Variants in SEMA6D observed in about 807,000 individuals in gnomAD.
SEMA6D encodes the protein semaphorin-6D.
SEMA6D carries 35 observed loss-of-function variants against 106.6 expected under a neutral mutation model. The observed-to-expected ratio is 0.33, with a 90% CI of 0.25 to 0.44. The LOEUF is 0.44. Ranked by LOEUF, SEMA6D falls within the 20% of genes least tolerant of loss-of-function variation. The probability of loss-of-function intolerance (pLI) is 1.00; values close to 1 mark genes in which losing one functional copy is unlikely to be tolerated. For missense variants in SEMA6D, 1,185 were observed against 1,345.9 expected (o/e 0.88, Z 1.87); for synonymous variants, 499 against 487.7 (o/e 1.02, Z -0.31).
intron 4 of SEMA6D, among the ~76,000 whole-genome samples, chr15:47,694,976 G>A (rs183226070): frequency 7.1e-4 from 108 of 152,258 alleles, no homozygotes; most frequent in African/African-American, 2.4e-3. Context: ...AGGGCATTGC[G>A]TTAGGCAAAA....
At chr15:47,478,957 T>C (rs1449923940) in intron 3 of SEMA6D, among the ~76,000 whole-genome samples, 2 of 152,024 alleles carry the variant, frequency 1.3e-5, no homozygotes, top group Non-Finnish European at 2.9e-5. Flanking sequence ...ATGAGACTTA[T>C]TTATTCACTC....
At chr15:47,383,803 A>G (rs144597440) in intron 1 of SEMA6D, among the ~76,000 whole-genome samples, 162 of 152,304 alleles carry the variant, frequency 1.1e-3, no homozygotes, top group African/African-American at 2.7e-3. Context: ...AGACTCTGCT[A>G]TGTCTGATTC....
At chr15:47,516,584 C>G (rs572605652) in intron 3 of SEMA6D, among the ~76,000 whole-genome samples, 1 of 152,150 alleles carries the variant, frequency 6.6e-6, no homozygotes, top group Non-Finnish European at 1.5e-5. Context: ...GAGCTCCTCC[C>G]CATTGTTGCC....
chr15:47,390,542 T>A (rs916903600), intron 1 of SEMA6D, among the ~76,000 whole-genome samples: 1 of 149,878 alleles, frequency 6.7e-6, no homozygotes, highest in Non-Finnish European at 1.5e-5. Flanking sequence ...CCCATTTGAA[T>A]TGCTCACCTT....
At chr15:47,334,759 C>T (rs2037481663) in intron 1 of SEMA6D, among the ~76,000 whole-genome samples, 1 of 152,042 alleles carries the variant, frequency 6.6e-6, no homozygotes, top group South Asian at 2.1e-4. Flanking sequence ...TACCTGGTCA[C>T]CCATGGTACA....
At chr15:47,365,253 A>G (rs991439977) in intron 1 of SEMA6D, among the ~76,000 whole-genome samples, 1 of 152,146 alleles carries the variant, frequency 6.6e-6, no homozygotes, top group Admixed American at 6.5e-5. Context: ...CTTTGCACAC[A>G]GTTTGGATTG....
chr15:47,499,251 CTAGTCCTCTA>C (rs1351322459), intron 3 of SEMA6D, among the ~76,000 whole-genome samples: 1 of 152,126 alleles, frequency 6.6e-6, no homozygotes, highest in East Asian at 1.9e-4. Context: ...TTTCTCCTCT[CTAGTCCTCTA>C]ATCCGTCCTC....
chr15:47,370,699 A>G (rs1463853933), intron 1 of SEMA6D, among the ~76,000 whole-genome samples: 2 of 150,400 alleles, frequency 1.3e-5, no homozygotes, highest in African/African-American at 2.4e-5. Flanking sequence ...AAAAAAAAAA[A>G]AAAAAAAAAA....
intron 1 of SEMA6D, chr15:47,730,196 C>T (rs1033611254): frequency 2.9e-5 from 45 of 1,543,108 alleles, no homozygotes; most frequent in East Asian, 4.5e-5. Context: ...CTTGGCGATG[C>T]GAGCCACAGA....
intron 4 of SEMA6D, among the ~76,000 whole-genome samples, chr15:47,615,846 G>T (rs952489012): frequency 1.3e-5 from 2 of 152,230 alleles, no homozygotes; most frequent in African/African-American, 4.8e-5. Flanking sequence ...CAGATGGATT[G>T]TTAAAAATCT....
At chr15:47,284,242 A>C (rs147673373) in intron 1 of SEMA6D, among the ~76,000 whole-genome samples, 4 of 152,182 alleles carry the variant, frequency 2.6e-5, no homozygotes, top group African/African-American at 9.7e-5. Context: ...GCTTGAACCT[A>C]TTGTTTATAT....
At chr15:47,581,707 C>T (rs2076257382) in intron 3 of SEMA6D, among the ~76,000 whole-genome samples, 1 of 152,134 alleles carries the variant, frequency 6.6e-6, no homozygotes, top group South Asian at 2.1e-4. Flanking sequence ...GGTTTCAACT[C>T]ATGTAGACAT....
At chr15:47,703,115 G>A (rs182071964) in intron 4 of SEMA6D, among the ~76,000 whole-genome samples, 72 of 152,146 alleles carry the variant, frequency 4.7e-4, no homozygotes, top group African/African-American at 1.4e-3. Context: ...AAATTTCCAC[G>A]TACGACTTTT....
chr15:47,311,184 T>C (rs1216826547), intron 1 of SEMA6D, among the ~76,000 whole-genome samples: 2 of 152,212 alleles, frequency 1.3e-5, no homozygotes, highest in African/African-American at 2.4e-5. Context: ...TTACTTGATA[T>C]GTTTATTTAG....
chr15:47,687,539 C>A (rs1442150766), intron 4 of SEMA6D, among the ~76,000 whole-genome samples: 1 of 152,144 alleles, frequency 6.6e-6, no homozygotes, highest in Non-Finnish European at 1.5e-5. Flanking sequence ...AAATCAAGAT[C>A]ATGAAAGGCC....
intron 1 of SEMA6D, among the ~76,000 whole-genome samples, chr15:47,353,776 C>T (rs1482359829): frequency 8.5e-5 from 13 of 152,124 alleles, no homozygotes; most frequent in Admixed American, 8.5e-4. Context: ...AATGAATGCA[C>T]TGTCCTTTTC....
At chr15:47,496,350 G>C (rs914972069) in intron 3 of SEMA6D, among the ~76,000 whole-genome samples, 1 of 152,028 alleles carries the variant, frequency 6.6e-6, no homozygotes. Context: ...TTTACCCTTG[G>C]TGTGTTCATA....
chr15:47,617,721 A>T (rs2077032581), intron 4 of SEMA6D, among the ~76,000 whole-genome samples: 1 of 152,216 alleles, frequency 6.6e-6, no homozygotes. Flanking sequence ...CAAGACTTCG[A>T]CAGATTCAGT....
chr15:47,765,035 T>C lies in SEMA6D; in HGVS notation c.1406T>C (p.Ile469Thr), dbSNP rs199623608. The C allele has an allele frequency of 3.1e-6, 5 of 1,613,726 alleles. No homozygotes were observed. Among genetic ancestry groups the C allele is most frequent in the Non-Finnish European group, 3.4e-6 (4 of 1,179,816 alleles). ...SLNDSVLLEE[I>T]EAYNHAKCSA... ...AACGACAGCGTATTACTGGAAGAGA[T>C]TGAAGCCTACAACCATGCAAAGTAG... is the stretch of plus-strand genomic sequence containing the variant. The change falls in exon 13 of 19, where the codon ATT becomes ACT. Residue 469 changes from isoleucine to threonine, a missense_variant. By Grantham distance (89) the Ile-to-Thr change is moderately conservative. Transcript: ENST00000536845.
Sources: gnomAD v4.1 joint callset for allele counts (sites outside exome capture counted in the v4.1 genomes callset) on GRCh38, gnomAD v4.1.1 for gene constraint, MANE v1.5 for transcripts, NCBI Gene and HGNC (gene_info 2026-07-23, HGNC 2026-07-21) for gene names.